Variants in RP2 observed in about 807,000 individuals in gnomAD.
The protein encoded by RP2 is protein XRP2.
RP2 carries 3 observed loss-of-function variants against 20.3 expected under a neutral mutation model. The observed-to-expected ratio is 0.15, with a 90% CI of 0.07 to 0.38. The LOEUF is 0.38. RP2 is among the 10% of genes least tolerant of loss of function. The pLI is 1.00. For synonymous variants in RP2, 75 were observed against 94.8 expected (o/e 0.79, Z 1.22); for missense variants, 233 against 268.5 (o/e 0.87, Z 0.92).
chrX:46,854,253 T>A, intron 2 of RP2, 112 bp downstream of exon 2: 1 of 737,125 alleles, frequency 1.4e-6, no homozygotes, highest in Non-Finnish European at 2.0e-6. Flanking sequence ...AACCCTCAAG[T>A]TATAGTCCTT....
At chrX:46,841,128 C>T (rs1847430613) in intron 1 of RP2, among the ~76,000 whole-genome samples, 2 of 111,623 alleles carry the variant, frequency 1.8e-5, no homozygotes, top group Admixed American at 9.6e-5. Flanking sequence ...CATGACAGAA[C>T]TGGTTTTAAC....
At chrX:46,860,501 A>G (rs1234169357) in intron 3 of RP2, among the ~76,000 whole-genome samples, 1 of 112,336 alleles carries the variant, frequency 8.9e-6, no homozygotes, top group East Asian at 2.8e-4. Context: ...AAAAGAAATA[A>G]GAAATATAAA....
At chrX:46,854,888 C>G (rs1221481896) in intron 2 of RP2, among the ~76,000 whole-genome samples, 4 of 110,486 alleles carry the variant, frequency 3.6e-5, no homozygotes, top group African/African-American at 1.3e-4. Context: ...CCTCAGCCTC[C>G]CAAGTAGCTG....
At position 46,853,724 on chromosome X, in the gene RP2, T is replaced by C. The variant is rs782126813; in HGVS notation, c.351T>C (p.Phe117=). The change falls in exon 2 of 5, where the codon TTT becomes TTC. Residue 117 remains phenylalanine (F), a synonymous_variant. Coordinates refer to ENST00000218340, the MANE Select transcript of RP2 (RefSeq NM_006915.3). ...AGTGCACATTAGCCTGCCAACAATT[T>C]CGTGTGCGAGATTGTAGAAAGCTGG... is the stretch of plus-strand genomic sequence containing the variant. The part of the protein sequence containing the change: ...DCKCTLACQQ[F]RVRDCRKLEV... 34 of 1,210,526 alleles carry C rather than the reference T, an allele frequency of 2.8e-5. No individual in the cohort carries two copies. In the South Asian group the frequency reaches 4.7e-4, roughly 17 times the overall value.
chrX:46,847,774 G>GTA (rs199580155), intron 1 of RP2, among the ~76,000 whole-genome samples: 7 of 79,224 alleles, frequency 8.8e-5, no homozygotes, highest in African/African-American at 4.2e-4. Context: ...ACATGTGTGT[G>GTA]TGTACATACA....
intron 2 of RP2, among the ~76,000 whole-genome samples, chrX:46,857,834 T>C (rs188067796): frequency 1.7e-4 from 19 of 112,423 alleles, no homozygotes; most frequent in Admixed American, 1.5e-3. Context: ...TTTGTGTTTA[T>C]AAAATCAGAG....
At chrX:46,850,243 G>A (rs1207858951) in intron 1 of RP2, among the ~76,000 whole-genome samples, 1 of 111,480 alleles carries the variant, frequency 9.0e-6, no homozygotes, top group Admixed American at 9.5e-5. Flanking sequence ...TCATCCTTCT[G>A]CCTTACCTCC....
chrX:46,872,666 A>G (rs1925311350), intron 3 of RP2, among the ~76,000 whole-genome samples: 1 of 111,877 alleles, frequency 8.9e-6, no homozygotes, highest in Non-Finnish European at 1.9e-5. Context: ...ACTGTTGTAT[A>G]TGCTATAAAC....
intron 3 of RP2, among the ~76,000 whole-genome samples, chrX:46,872,252 A>C (rs782544677): frequency 8.9e-6 from 1 of 112,310 alleles, no homozygotes; most frequent in South Asian, 3.7e-4. Context: ...AAGGCTGTAT[A>C]TTTAAAGTGA....
chrX:46,850,008 T>C (rs1349979677), intron 1 of RP2, among the ~76,000 whole-genome samples: 1 of 112,295 alleles, frequency 8.9e-6, no homozygotes, highest in Non-Finnish European at 1.9e-5. Flanking sequence ...GGTGATGACA[T>C]AGCAAGAGGT....
At chrX:46,877,630 A>G in intron 4 of RP2, 40 bp downstream of exon 4, 1 of 936,457 alleles carries the variant, frequency 1.1e-6, no homozygotes, top group Non-Finnish European at 1.5e-6. Flanking sequence ...CTAACTTTTC[A>G]TTTCATCTCC....
chrX:46,864,447 A>G (rs1334457025), intron 3 of RP2, among the ~76,000 whole-genome samples: 1 of 106,729 alleles, frequency 9.4e-6, no homozygotes, highest in Non-Finnish European at 1.9e-5. Context: ...TCGGGGCTCA[A>G]GCAATCCTCC....
chrX:46,861,438 A>G (rs1556320092), intron 3 of RP2, among the ~76,000 whole-genome samples: 1 of 112,259 alleles, frequency 8.9e-6, no homozygotes, highest in Non-Finnish European at 1.9e-5. Context: ...AGTCTTAAAA[A>G]CAAGAGATGC....
chrX:46,862,276 G>A (rs1372621153), intron 3 of RP2, among the ~76,000 whole-genome samples: 3 of 110,911 alleles, frequency 2.7e-5, no homozygotes, highest in African/African-American at 9.9e-5. Context: ...GGAGGCTGAG[G>A]CAGATAATTG....
chrX:46,872,221 CTT>C (rs1230640283), intron 3 of RP2, among the ~76,000 whole-genome samples: 7 of 112,304 alleles, frequency 6.2e-5, no homozygotes, highest in African/African-American at 2.3e-4. Flanking sequence ...AAAGATTTAT[CTT>C]TTTTTCTTGT....
intron 1 of RP2, among the ~76,000 whole-genome samples, chrX:46,839,925 A>G (rs1924585894): frequency 8.9e-6 from 1 of 112,464 alleles, no homozygotes; most frequent in Non-Finnish European, 1.9e-5. Flanking sequence ...CTTGCAGCTT[A>G]GAAAAGGGTG....
intron 3 of RP2, among the ~76,000 whole-genome samples, chrX:46,864,265 T>C (rs1372890648): frequency 9.0e-6 from 1 of 111,285 alleles, no homozygotes; most frequent in Admixed American, 9.5e-5. Flanking sequence ...ATCGTGCCAC[T>C]GCACTCGAGC....
In RP2 at chrX:46,853,699, A is replaced by G; in HGVS notation, c.326A>G (p.Lys109Arg). The change falls in exon 2 of 5, where the codon AAG becomes AGG. Residue 109 changes from lysine (K) to arginine (R), a missense_variant. Transcript: ENST00000218340. ...TTTTTCCGGAATTGCAGAGATTGCAAGTGCACATTAGCCTGCCAACAATTT... is the reference window on the plus strand; with the variant it reads ...TTTTTCCGGAATTGCAGAGATTGCAGGTGCACATTAGCCTGCCAACAATTT... Reference protein sequence around the residue: ...SVFFRNCRDCKCTLACQQFRV... With the variant: ...SVFFRNCRDCRCTLACQQFRV... 1 of 1,212,026 alleles carries G rather than the reference A, an allele frequency of 8.3e-7. No individual in the cohort carries two copies. The highest frequency in any genetic ancestry group is 1.1e-6 in the Non-Finnish European group (1 of 895,575).
intron 3 of RP2, among the ~76,000 whole-genome samples, chrX:46,870,429 A>G (rs1030202759): frequency 9.1e-6 from 1 of 110,302 alleles, no homozygotes; most frequent in African/African-American, 3.3e-5. Flanking sequence ...TTTTTAAACA[A>G]TGTTGTAGAG....
Sources: allele counts gnomAD v4.1 joint callset (sites outside exome capture counted in the v4.1 genomes callset), GRCh38; gene constraint gnomAD v4.1.1; transcripts MANE v1.5; gene names NCBI Gene and HGNC (gene_info 2026-07-23, HGNC 2026-07-21).